Variants in GTF2A1L observed in about 807,000 individuals in gnomAD.
The protein encoded by GTF2A1L is TFIIA-alpha and beta-like factor.
In GTF2A1L, 48 loss-of-function variants were observed where a neutral mutation model predicts 49.7. That is an observed-to-expected ratio of 0.97 (90% CI 0.77 to 1.23). The LOEUF (loss-of-function observed/expected upper bound fraction) is 1.23. Ranked by LOEUF, GTF2A1L falls within the 50% of genes most tolerant of loss-of-function variation. The probability of loss-of-function intolerance (pLI) is 0.00; values close to 1 mark genes in which losing one functional copy is unlikely to be tolerated. For synonymous variants in GTF2A1L, 246 were observed against 193.5 expected (o/e 1.27, Z -2.25); for missense variants, 736 against 564.8 (o/e 1.30, Z -3.07).
At chr2:48,635,357 G>C (rs773036249) in intron 3 of GTF2A1L, among the ~76,000 whole-genome samples, 1 of 152,144 alleles carries the variant, frequency 6.6e-6, no homozygotes, top group Non-Finnish European at 1.5e-5. Context: ...CCCTTCTGCA[G>C]CATGATCTCT....
chr2:48,678,225 G>T (rs1290099834), intron 8 of GTF2A1L, among the ~76,000 whole-genome samples: 1 of 151,806 alleles, frequency 6.6e-6, no homozygotes, highest in Non-Finnish European at 1.5e-5. Context: ...ATTAGTTGTT[G>T]CTTCTGTTGT....
intron 1 of GTF2A1L, among the ~76,000 whole-genome samples, chr2:48,619,728 C>G (rs1409075126): frequency 6.6e-6 from 1 of 152,088 alleles, no homozygotes; most frequent in Non-Finnish European, 1.5e-5. Flanking sequence ...CATAGCATTG[C>G]CATTTTGGCC....
At position 48,646,846 on chromosome 2, in the gene GTF2A1L, A is replaced by T. The variant is rs201804014; in HGVS notation, c.782A>T (p.Glu261Val). ...PQVSQTNSNV[E>V]SVLSGSASMA... is the part of the protein sequence containing the mutation. ...GTCTCTCAAACAAATTCTAATGTGG[A>T]GTCAGTGCTCAGTGGTTCAGCTAGC... The change falls in exon 6 of 9, where the codon GAG (glutamate) becomes GTG (valine). Residue 261 changes from glutamate (E) to valine (V), a missense_variant. Coordinates refer to ENST00000403751, the MANE Select transcript of GTF2A1L (RefSeq NM_006872.5). 4.0e-5 allele frequency: 64 copies of T among 1,614,090 alleles called. 1 individual carries two copies. The South Asian group carries it at 6.3e-4, about 16-fold the overall frequency.
At chr2:48,632,201 A>G (rs866754997) in intron 3 of GTF2A1L, 1 of 152,190 alleles carries the variant, frequency 6.6e-6, no homozygotes, top group Non-Finnish European at 1.5e-5. Flanking sequence ...CAGTCCCAGA[A>G]GTAATTCCCT....
intron 6 of GTF2A1L, among the ~76,000 whole-genome samples, chr2:48,660,122 A>G (rs1678402538): frequency 6.6e-6 from 1 of 152,026 alleles, no homozygotes; most frequent in African/African-American, 2.4e-5. Flanking sequence ...CTATCCTTGC[A>G]TCCCAGGATT....
chr2:48,670,496 G>A (rs1277625233), intron 7 of GTF2A1L, among the ~76,000 whole-genome samples: 1 of 152,210 alleles, frequency 6.6e-6, no homozygotes, highest in Non-Finnish European at 1.5e-5. Flanking sequence ...ACTAGAGGTA[G>A]TAGGTGATCT....
At position 48,676,076 on chromosome 2, in the gene GTF2A1L, G is replaced by A. The variant is rs534024993; in HGVS notation, c.1330-3259G>A. ...ATAAGTAGTTATATTAGTTTTCATC[G>A]AATTTCTTTATTCAAATACAAATAC... is the stretch of plus-strand genomic sequence containing the variant. On this transcript the variant is annotated intron_variant, in intron 8 of 8. Transcript: ENST00000403751. Among the ~76,000 whole-genome samples, 9 of 151,718 alleles carry A rather than the reference G, an allele frequency of 5.9e-5. No individual in the cohort carries two copies. The East Asian group carries it at 1.2e-3, about 20-fold the overall frequency.
At chr2:48,642,664 G>C (rs1234472925) in intron 4 of GTF2A1L, among the ~76,000 whole-genome samples, 1 of 152,150 alleles carries the variant, frequency 6.6e-6, no homozygotes, top group African/African-American at 2.4e-5. Context: ...AGACCAGCCT[G>C]GCCAACATGG....
intron 4 of GTF2A1L, 138 bp from the exon 5 acceptor site, chr2:48,644,895 C>T: frequency 3.0e-6 from 2 of 668,086 alleles, no homozygotes; most frequent in Non-Finnish European, 2.4e-6. Flanking sequence ...ATTCAAAGAA[C>T]TCAGCCCTAA....
intron 3 of GTF2A1L, among the ~76,000 whole-genome samples, chr2:48,634,465 T>C (rs925333682): frequency 6.6e-6 from 1 of 152,164 alleles, no homozygotes; most frequent in African/African-American, 2.4e-5. Flanking sequence ...TGCTTTGTAG[T>C]TTCTGTTGTG....
rs1558698151 is a variant in GTF2A1L, at chr2:48,623,944, C to T, written c.247+2654C>T. Among the ~76,000 whole-genome samples, 6 of 152,260 alleles carry T rather than the reference C, an allele frequency of 3.9e-5. No individual in the cohort carries two copies. The South Asian group carries it at 1.2e-3, about 32-fold the overall frequency. On this transcript the variant is annotated intron_variant, in intron 3 of 8. Coordinates refer to ENST00000403751, the MANE Select transcript of GTF2A1L (RefSeq NM_006872.5). ...AAGGGGGCAAGGGTTGAAAAACTACCCGTCAGGTACTATGTTCACTATTTG... is the reference window on the plus strand; with the variant it reads ...AAGGGGGCAAGGGTTGAAAAACTACTCGTCAGGTACTATGTTCACTATTTG...
chr2:48,667,264 A>C (rs1190817632), intron 6 of GTF2A1L, among the ~76,000 whole-genome samples: 1 of 151,904 alleles, frequency 6.6e-6, no homozygotes, highest in Admixed American at 6.6e-5. Flanking sequence ...CAGCCTCATT[A>C]ATTTTGATTG....
chr2:48,635,590 C>T (rs1053940566), intron 3 of GTF2A1L, among the ~76,000 whole-genome samples: 1 of 152,224 alleles, frequency 6.6e-6, no homozygotes, highest in East Asian at 1.9e-4. Context: ...TGTAGCAGCT[C>T]TCCTCCCACT....
intron 3 of GTF2A1L, among the ~76,000 whole-genome samples, chr2:48,632,026 C>G (rs1676606224): frequency 6.6e-6 from 1 of 152,052 alleles, no homozygotes; most frequent in South Asian, 2.1e-4. Flanking sequence ...TTGCTTCCAA[C>G]TGTTATTAGT....
chr2:48,644,096 C>G (rs923724595), intron 4 of GTF2A1L, among the ~76,000 whole-genome samples: 2 of 152,058 alleles, frequency 1.3e-5, no homozygotes, highest in African/African-American at 4.8e-5. Context: ...ACTTGAGCCT[C>G]GTAATTGGAG....
chr2:48,639,729 A>G (rs1476056135), intron 3 of GTF2A1L, among the ~76,000 whole-genome samples: 1 of 152,344 alleles, frequency 6.6e-6, no homozygotes, highest in East Asian at 1.9e-4. Context: ...GAGTTTCTGC[A>G]CAGTGAAAGA....
rs762790690 is a variant in GTF2A1L, at chr2:48,669,843, C to A, written c.1100C>A (p.Ala367Glu). The A allele has an allele frequency of 6.2e-7, 1 of 1,613,936 alleles. No individual in the cohort carries two copies. The highest frequency in any genetic ancestry group is 2.2e-5 in the East Asian group (1 of 44,834). Residue 367 changes from alanine (A) to glutamate (E), a missense_variant, in exon 7 of 9, where the codon GCA becomes GAA. Transcript: ENST00000403751. The part of the protein sequence containing the change: ...SNEEIGSTRD[A>E]DENEFLGNID... ...GAAGAAATAGGAAGTACAAGAGATGCAGATGAGAATGAATTTCTAGGGAAT... is the reference window on the plus strand; with the variant it reads ...GAAGAAATAGGAAGTACAAGAGATGAAGATGAGAATGAATTTCTAGGGAAT...
At position 48,626,727 on chromosome 2, in the gene GTF2A1L, C is replaced by G. The variant is rs1016313393; in HGVS notation, c.247+5437C>G. Among the ~76,000 whole-genome samples the G allele has an allele frequency of 1.4e-5, 2 of 143,914 alleles. 1 individual carries two copies. The highest frequency in any genetic ancestry group is 3.1e-5 in the Non-Finnish European group (2 of 63,954). The allele number at this position is 143,914 out of a possible 152,430, so 94.4% of individuals were successfully genotyped here. A position where few individuals can be genotyped will look rare whatever the true frequency, so the allele number is the denominator to read the frequency against. On this transcript the variant is annotated intron_variant, in intron 3 of 8. Transcript: ENST00000403751. ...TAGCTGGGACTACAGGCATGTGCCACAACATCTGACTAATTTTTGTATTTT... is the reference window on the plus strand; with the variant it reads ...TAGCTGGGACTACAGGCATGTGCCAGAACATCTGACTAATTTTTGTATTTT...
Position 48,630,313 on chromosome 2 carries a change from T to C in GTF2A1L, c.247+9023T>C, listed in dbSNP as rs1335800808. ...TTCTTTCAGCAGTGTTTTGTAGTTC[T>C]CCTTGTAGAGATCTTTCCCTTCCTT... is the stretch of plus-strand genomic sequence containing the variant. On this transcript the variant is annotated intron_variant, in intron 3 of 8. Transcript: ENST00000403751. 2.8e-5 allele frequency among the ~76,000 whole-genome samples: 4 copies of C among 144,138 alleles called. 1 individual carries two copies. The highest frequency in any genetic ancestry group is 6.2e-5 in the Non-Finnish European group (4 of 64,064). The allele number at this position is 144,138 out of a possible 152,430, so 94.6% of individuals were successfully genotyped here.
Sources: gnomAD v4.1 joint callset for allele counts (sites outside exome capture counted in the v4.1 genomes callset) on GRCh38, gnomAD v4.1.1 for gene constraint, MANE v1.5 for transcripts, NCBI Gene and HGNC (gene_info 2026-07-23, HGNC 2026-07-21) for gene names.